Variants in THSD4 observed in about 807,000 individuals in gnomAD.
THSD4 encodes the protein thrombospondin type-1 domain-containing protein 4.
THSD4 carries 69 observed loss-of-function variants against 119.0 expected under a neutral mutation model. The observed-to-expected ratio is 0.58, with a 90% CI of 0.48 to 0.71. THSD4 has a LOEUF of 0.71. Ranked by LOEUF, THSD4 falls within the 30% of genes least tolerant of loss-of-function variation. The pLI, the probability that THSD4 is intolerant of heterozygous loss-of-function variation, is 0.00. For synonymous variants in THSD4, 524 were observed against 540.4 expected, an observed-to-expected ratio of 0.97 and a Z score of 0.42; for missense variants, 1,393 against 1,391.1, an observed-to-expected ratio of 1.00 and a Z score of -0.02.
intron 7 of THSD4, among the ~76,000 whole-genome samples, chr15:71,567,752 A>G (rs1455763843): frequency 6.7e-6 from 1 of 150,098 alleles, no homozygotes; most frequent in Non-Finnish European, 1.5e-5. Context: ...AAGCCAGAAC[A>G]GCTGGAGAGA....
At chr15:71,228,464 C>G (rs146332038) in intron 4 of THSD4, among the ~76,000 whole-genome samples, 2 of 152,152 alleles carry the variant, frequency 1.3e-5, no homozygotes, top group Non-Finnish European at 2.9e-5. Context: ...GAATAGATTT[C>G]TGTTGTTATA....
At chr15:71,270,373 G>A (rs920742648) in intron 6 of THSD4, among the ~76,000 whole-genome samples, 1 of 152,136 alleles carries the variant, frequency 6.6e-6, no homozygotes, top group Non-Finnish European at 1.5e-5. Flanking sequence ...TTTAATAAAT[G>A]GTGTTGAGAA....
chr15:71,109,347 C>T (rs2141343030), intron 1 of THSD4, among the ~76,000 whole-genome samples: 1 of 152,322 alleles, frequency 6.6e-6, no homozygotes, highest in South Asian at 2.1e-4. Flanking sequence ...GAAGCTATTC[C>T]AAATGCAGCT....
chr15:71,240,339 G>A (rs377623240), intron 4 of THSD4, among the ~76,000 whole-genome samples: 30 of 152,222 alleles, frequency 2.0e-4, no homozygotes, highest in East Asian at 1.9e-3. Flanking sequence ...GAATTTCATT[G>A]CCATTTTTCC....
chr15:71,297,408 T>C (rs1442055412), intron 6 of THSD4, among the ~76,000 whole-genome samples: 1 of 151,150 alleles, frequency 6.6e-6, no homozygotes, highest in African/African-American at 2.4e-5. Flanking sequence ...CAATCTCAGC[T>C]CACTGCAACC....
chr15:71,442,695 T>C (rs1265714249), intron 7 of THSD4, among the ~76,000 whole-genome samples: 36 of 118,426 alleles, frequency 3.0e-4, no homozygotes, highest in African/African-American at 1.1e-3. Flanking sequence ...TATATATATA[T>C]ATATATATGA....
intron 7 of THSD4, among the ~76,000 whole-genome samples, chr15:71,444,941 G>A (rs2047159636): frequency 6.6e-6 from 1 of 152,092 alleles, no homozygotes; most frequent in African/African-American, 2.4e-5. Context: ...ACAGATAAAA[G>A]TCCAAATTCC....
At chr15:71,441,584 G>T (rs371691018) in intron 7 of THSD4, among the ~76,000 whole-genome samples, 2 of 151,322 alleles carry the variant, frequency 1.3e-5, no homozygotes, top group Admixed American at 1.3e-4. Flanking sequence ...TAGTAGAGAC[G>T]GGGTTTCACT....
intron 7 of THSD4, among the ~76,000 whole-genome samples, chr15:71,432,932 G>A (rs1379527463): frequency 1.3e-5 from 2 of 151,748 alleles, no homozygotes; most frequent in African/African-American, 2.4e-5. Flanking sequence ...CTCCCTGTAC[G>A]TGTTGTATAC....
chr15:71,325,695 A>G (rs2045328155), intron 6 of THSD4, among the ~76,000 whole-genome samples: 1 of 152,134 alleles, frequency 6.6e-6, no homozygotes, highest in South Asian at 2.1e-4. Context: ...TTTTTTTTCG[A>G]ACCTCTTGTG....
intron 6 of THSD4, among the ~76,000 whole-genome samples, chr15:71,293,836 T>G (rs1321859376): frequency 6.6e-6 from 1 of 152,052 alleles, no homozygotes; most frequent in Non-Finnish European, 1.5e-5. Context: ...CACTCTTCCA[T>G]GTTTAACTGG....
At chr15:71,199,563 G>C (rs1182183926) in intron 3 of THSD4, among the ~76,000 whole-genome samples, 37 of 138,700 alleles carry the variant, frequency 2.7e-4, no homozygotes, top group African/African-American at 1.0e-3. Flanking sequence ...TGTGTATGTG[G>C]TGTGTGTGTA....
intron 7 of THSD4, among the ~76,000 whole-genome samples, chr15:71,559,565 C>CA (rs1555426565): frequency 1.4e-5 from 2 of 145,898 alleles, no homozygotes; most frequent in Non-Finnish European, 3.0e-5. Flanking sequence ...TCTTTTCCTC[C>CA]TTTTTTTTTT....
chr15:71,131,290 G>A (rs1241944801), intron 1 of THSD4, among the ~76,000 whole-genome samples: 1 of 151,928 alleles, frequency 6.6e-6, no homozygotes, highest in Non-Finnish European at 1.5e-5. Flanking sequence ...AAATAAAAAT[G>A]TATTTATTTA....
At chr15:71,752,353 C>T (rs2053462848) in intron 14 of THSD4, among the ~76,000 whole-genome samples, 3 of 152,208 alleles carry the variant, frequency 2.0e-5, no homozygotes, top group Admixed American at 6.5e-5. Flanking sequence ...AACATAAGTT[C>T]TTGCCGAATC....
intron 7 of THSD4, among the ~76,000 whole-genome samples, chr15:71,615,554 T>A (rs1262916633): frequency 6.6e-6 from 1 of 152,196 alleles, no homozygotes; most frequent in African/African-American, 2.4e-5. Flanking sequence ...AGAAGCTACT[T>A]CTTTTCCCAT....
chr15:71,672,296 C>T (rs781365854), intron 8 of THSD4, among the ~76,000 whole-genome samples: 25 of 152,158 alleles, frequency 1.6e-4, no homozygotes, highest in Non-Finnish European at 2.9e-4. Flanking sequence ...TTGTCTGTTG[C>T]TGGTGTATAG....
intron 7 of THSD4, among the ~76,000 whole-genome samples, chr15:71,649,507 C>T (rs1478476985): frequency 6.6e-6 from 1 of 152,148 alleles, no homozygotes. Flanking sequence ...GAACTCCTGA[C>T]CTCAGGTGAT....
chr15:71,765,634 G>A (rs983735939), intron 16 of THSD4, among the ~76,000 whole-genome samples: 2 of 152,322 alleles, frequency 1.3e-5, no homozygotes, highest in Admixed American at 6.5e-5. Context: ...CAGGCGTGGT[G>A]GTTGACACCT....
Sources: gnomAD v4.1 joint callset for allele counts (sites outside exome capture counted in the v4.1 genomes callset) on GRCh38, gnomAD v4.1.1 for gene constraint, MANE v1.5 for transcripts, NCBI Gene and HGNC (gene_info 2026-07-23, HGNC 2026-07-21) for gene names.